The following SDK1 variants were observed in gnomAD, a reference collection of about 807,000 sequenced individuals.
SDK1 encodes sidekick cell adhesion molecule 1.
SDK1 carries 157 observed loss-of-function variants against 245.5 expected under a neutral mutation model. The ratio of observed to expected loss-of-function variants is 0.64; its 90% CI spans 0.56 to 0.73. The LOEUF is 0.73. SDK1 is among the 30% of genes least tolerant of loss of function. The pLI is 0.00. For missense variants in SDK1, 3,583 were observed against 3,002.3 expected, an observed-to-expected ratio of 1.19 and a Z score of -4.52; for synonymous variants, 1,647 against 1,278.5, an observed-to-expected ratio of 1.29 and a Z score of -6.15.
chr7:3,711,153 A>G (rs187559052), intron 4 of SDK1, among the ~76,000 whole-genome samples: 2 of 152,248 alleles, frequency 1.3e-5, no homozygotes, highest in East Asian at 3.8e-4. Context: ...CTTTAATCAC[A>G]GGAAACAGTA....
intron 26 of SDK1, among the ~76,000 whole-genome samples, chr7:4,128,161 T>C (rs1382510881): frequency 6.6e-6 from 1 of 152,162 alleles, no homozygotes; most frequent in Non-Finnish European, 1.5e-5. Context: ...ATGCCAAGCA[T>C]CAGAATGAGC....
At chr7:4,169,695 C>T (rs1032144789) in intron 32 of SDK1, among the ~76,000 whole-genome samples, 26 of 152,194 alleles carry the variant, frequency 1.7e-4, no homozygotes, top group African/African-American at 6.0e-4. Context: ...GCGTGCATTC[C>T]TCCAGTAACA....
At chr7:3,535,611 G>A (rs1386379958) in intron 1 of SDK1, among the ~76,000 whole-genome samples, 1 of 152,134 alleles carries the variant, frequency 6.6e-6, no homozygotes, top group Non-Finnish European at 1.5e-5. Context: ...TGGTCCCTTA[G>A]CATCCTTATA....
intron 4 of SDK1, among the ~76,000 whole-genome samples, chr7:3,731,128 C>T (rs190565770): frequency 9.6e-4 from 146 of 152,292 alleles, no homozygotes; most frequent in African/African-American, 3.2e-3. Context: ...CTAGTCTGCA[C>T]TCACTCATGC....
intron 1 of SDK1, among the ~76,000 whole-genome samples, chr7:3,617,640 AT>A (rs1462524045): frequency 6.6e-6 from 1 of 152,220 alleles, no homozygotes; most frequent in African/African-American, 2.4e-5. Context: ...GTGCTATATC[AT>A]CCTGTCATGG....
At chr7:4,159,149 C>G (rs1199557129) in intron 31 of SDK1, among the ~76,000 whole-genome samples, 1 of 152,236 alleles carries the variant, frequency 6.6e-6, no homozygotes, top group African/African-American at 2.4e-5. Flanking sequence ...AAACCCAGTA[C>G]TTAGTTCACC....
rs375633262 is a variant in SDK1, at chr7:3,865,258, G to C, written c.847+43675G>C. ...AAGCAGGGAGTGTGGGAGGCCTGGT[G>C]ATCCTCCTGAAGAAGTGAGAATGGG... is the stretch of plus-strand genomic sequence containing the variant. On this transcript the variant is annotated intron_variant, in intron 5 of 44. Transcript: ENST00000404826. Among the ~76,000 whole-genome samples, 8 of 152,272 alleles carry C rather than the reference G, an allele frequency of 5.3e-5. 1 individual carries two copies. In the East Asian group the frequency reaches 5.8e-4, roughly 11 times the overall value.
chr7:4,067,679 G>T (rs936325948), intron 19 of SDK1, among the ~76,000 whole-genome samples, 159 bp from the exon 20 acceptor site: 1 of 152,202 alleles, frequency 6.6e-6, no homozygotes, highest in African/African-American at 2.4e-5. Flanking sequence ...AGGATGCCTT[G>T]AACACCCTCC....
At chr7:4,089,409 G>T (rs118112781) in intron 22 of SDK1, among the ~76,000 whole-genome samples, 4 of 152,232 alleles carry the variant, frequency 2.6e-5, no homozygotes, top group African/African-American at 9.6e-5. Flanking sequence ...TGAGGGTCCC[G>T]CCTCAGGGGG....
At chr7:3,968,801 T>C (rs1279537412) in intron 10 of SDK1, among the ~76,000 whole-genome samples, 2 of 152,240 alleles carry the variant, frequency 1.3e-5, no homozygotes, top group African/African-American at 4.8e-5. Context: ...GATTATTTCC[T>C]TAAGTTATTT....
chr7:3,393,587 C>CTACT (rs1390144865), intron 1 of SDK1, among the ~76,000 whole-genome samples: 1 of 152,110 alleles, frequency 6.6e-6, no homozygotes, highest in Non-Finnish European at 1.5e-5. Context: ...GATCAGAATA[C>CTACT]TACGTAGCAG....
At chr7:3,851,881 A>G (rs1201345110) in intron 5 of SDK1, among the ~76,000 whole-genome samples, 1 of 152,248 alleles carries the variant, frequency 6.6e-6, no homozygotes, top group African/African-American at 2.4e-5. Flanking sequence ...ATAAAATGGT[A>G]TATTCTCATA....
intron 1 of SDK1, among the ~76,000 whole-genome samples, chr7:3,591,892 G>T (rs148096790): frequency 8.5e-5 from 13 of 152,332 alleles, no homozygotes; most frequent in Non-Finnish European, 1.6e-4. Context: ...GGAACCTGGG[G>T]TGGTGTCTGA....
intron 22 of SDK1, among the ~76,000 whole-genome samples, chr7:4,095,455 G>C (rs1436562263): frequency 1.3e-5 from 2 of 152,240 alleles, no homozygotes; most frequent in Admixed American, 6.5e-5. Context: ...TGTCACTTTA[G>C]TTTCTATTGG....
At chr7:3,543,020 C>T (rs1263376639) in intron 1 of SDK1, among the ~76,000 whole-genome samples, 1 of 152,158 alleles carries the variant, frequency 6.6e-6, no homozygotes, top group Non-Finnish European at 1.5e-5. Flanking sequence ...GGCAAGGTTG[C>T]ATTTGTTGTT....
chr7:4,013,885 C>G lies in SDK1; in HGVS notation c.2420+1650C>G, dbSNP rs1196888083. Among the ~76,000 whole-genome samples, 4 of 152,360 alleles carry G rather than the reference C, an allele frequency of 2.6e-5. No individual in the cohort carries two copies. In the East Asian group the frequency reaches 7.7e-4, roughly 29 times the overall value. ...AGAGGAGCTTGCAGTTCTGTCCCCT[C>G]GGGGTGGGGGCCGCAGGCTCTGGTT... On this transcript the variant is annotated intron_variant, in intron 16 of 44. Coordinates refer to ENST00000404826, the MANE Select transcript of SDK1 (RefSeq NM_152744.4).
chr7:4,176,435 C>T (rs1404940122), intron 34 of SDK1, among the ~76,000 whole-genome samples: 2 of 152,306 alleles, frequency 1.3e-5, no homozygotes, highest in East Asian at 1.9e-4. Context: ...TCCCAAGATG[C>T]TAGGGCTATA....
chr7:4,137,284 G>T (rs1401025918), intron 28 of SDK1, among the ~76,000 whole-genome samples: 1 of 152,238 alleles, frequency 6.6e-6, no homozygotes, highest in African/African-American at 2.4e-5. Context: ...GACAGAGCGA[G>T]ACTCTATCTC....
intron 1 of SDK1, among the ~76,000 whole-genome samples, chr7:3,555,028 A>C (rs887046498): frequency 6.6e-6 from 1 of 152,238 alleles, no homozygotes; most frequent in Non-Finnish European, 1.5e-5. Context: ...CTATAGATTC[A>C]ATGCAATCCC....
Sources: gnomAD v4.1 joint callset for allele counts (sites outside exome capture counted in the v4.1 genomes callset) on GRCh38, gnomAD v4.1.1 for gene constraint, MANE v1.5 for transcripts, NCBI Gene and HGNC (gene_info 2026-07-23, HGNC 2026-07-21) for gene names.